SKAP1: variants seen among roughly 807,000 people sequenced by gnomAD.
The protein encoded by SKAP1 is src kinase-associated phosphoprotein 1.
SKAP1 carries 44 observed loss-of-function variants against 58.5 expected under a neutral mutation model. That is an observed-to-expected ratio of 0.75 (90% CI 0.59 to 0.97). The LOEUF is 0.97. Among genes scored for constraint, SKAP1 ranks in the 50% least tolerant of loss-of-function variants. SKAP1 has a pLI of 0.00. For synonymous variants in SKAP1, 127 were observed against 149.7 expected, an observed-to-expected ratio of 0.85 and a Z score of 1.11; for missense variants, 390 against 435.2, an observed-to-expected ratio of 0.90 and a Z score of 0.92.
At chr17:48,280,018 G>T (rs1399432962) in intron 4 of SKAP1, among the ~76,000 whole-genome samples, 1 of 152,182 alleles carries the variant, frequency 6.6e-6, no homozygotes, top group Middle Eastern at 3.4e-3. Context: ...ATTTCTCATG[G>T]AAAGAACTCA....
intron 4 of SKAP1, among the ~76,000 whole-genome samples, chr17:48,215,483 C>T (rs188699159): frequency 1.2e-4 from 18 of 152,254 alleles, no homozygotes; most frequent in African/African-American, 3.4e-4. Flanking sequence ...AAAGCAGAAC[C>T]GAAGGAACAC....
At chr17:48,430,926 C>CA (rs1056075888), upstream of SKAP1, among the ~76,000 whole-genome samples, 1 of 152,188 alleles carries the variant, frequency 6.6e-6, no homozygotes, top group African/African-American at 2.4e-5. Context: ...ATTCAAGGGA[C>CA]AGTTGGTGTC....
chr17:48,195,003 G>A (rs1023977079), intron 4 of SKAP1, among the ~76,000 whole-genome samples: 14 of 152,204 alleles, frequency 9.2e-5, no homozygotes, highest in Admixed American at 2.0e-4. Context: ...TGGCTGGTGT[G>A]TGTGCATCTG....
chr17:48,203,702 A>G (rs1428536553), intron 4 of SKAP1: 2 of 152,200 alleles, frequency 1.3e-5, no homozygotes, highest in Non-Finnish European at 2.9e-5. Flanking sequence ...GTTCCTGAAC[A>G]AAAGAGGCTG....
chr17:48,227,704 G>C (rs1209857052), intron 4 of SKAP1, among the ~76,000 whole-genome samples: 1 of 152,088 alleles, frequency 6.6e-6, no homozygotes, highest in Non-Finnish European at 1.5e-5. Context: ...TTTATTGTGG[G>C]GTCTGAAAGA....
chr17:48,169,175 A>C (rs1017535677), intron 10 of SKAP1, among the ~76,000 whole-genome samples: 1 of 152,006 alleles, frequency 6.6e-6, no homozygotes, highest in East Asian at 1.9e-4. Flanking sequence ...ATCTCCTCTC[A>C]CCTCCCAGAT....
rs565524392 is a variant in SKAP1 at position 48,294,357 on chromosome 17, T to C, written c.280+51548A>G. 9 of 152,192 alleles carry C rather than the reference T, an allele frequency of 5.9e-5. No individual in the cohort carries two copies. The East Asian group carries it at 1.7e-3, about 29-fold the overall frequency. 9.4% of individuals were successfully genotyped at this position (152,192 alleles called of 1,614,324 possible). ...TTTTTTTCTAACTAGCAATTTCGAGTGCAAGTGCCACAGTGTCAGCTAAAG... is the reference window on the plus strand; with the variant it reads ...TTTTTTTCTAACTAGCAATTTCGAGCGCAAGTGCCACAGTGTCAGCTAAAG... On this transcript the variant is annotated intron_variant, in intron 4 of 12. Transcript: ENST00000336915.
At chr17:48,145,744 C>T (rs1449340202) in intron 11 of SKAP1, among the ~76,000 whole-genome samples, 2 of 152,144 alleles carry the variant, frequency 1.3e-5, no homozygotes, top group Non-Finnish European at 2.9e-5. Flanking sequence ...TTCTCTCCTC[C>T]CTGCTGGTTC....
intron 4 of SKAP1, among the ~76,000 whole-genome samples, chr17:48,341,784 T>C (rs763859532): frequency 1.1e-4 from 17 of 152,216 alleles, no homozygotes; most frequent in Non-Finnish European, 2.1e-4. Flanking sequence ...AACATCCTGA[T>C]GCACAAAGAA....
chr17:48,207,422 G>A (rs1172400887), intron 4 of SKAP1, among the ~76,000 whole-genome samples: 2 of 149,278 alleles, frequency 1.3e-5, no homozygotes, highest in African/African-American at 4.9e-5. Context: ...GGAGGCAGAT[G>A]TTGCAGTGAG....
chr17:48,395,649 TC>T (rs1428224335), intron 2 of SKAP1, among the ~76,000 whole-genome samples: 3 of 152,158 alleles, frequency 2.0e-5, no homozygotes, highest in African/African-American at 4.8e-5. Context: ...TTCAAAAAAC[TC>T]CCATCTTTTG....
At chr17:48,214,969 A>AATAAAATAAAATAAAATAAAATAAC in intron 4 of SKAP1, among the ~76,000 whole-genome samples, 1 of 150,952 alleles carries the variant, frequency 6.6e-6, no homozygotes, top group South Asian at 2.1e-4. Flanking sequence ...AATAAAATAA[A>AATAAAATAAAATAAAATAAAATAAC]CAGATGGCAT....
intron 11 of SKAP1, among the ~76,000 whole-genome samples, chr17:48,141,350 G>A (rs1371653132): frequency 6.7e-6 from 1 of 150,204 alleles, no homozygotes; most frequent in Non-Finnish European, 1.5e-5. Context: ...CTTTCGGTGG[G>A]TTCCCAATGC....
At chr17:48,302,806 A>C (rs1393309869) in intron 4 of SKAP1, among the ~76,000 whole-genome samples, 1 of 152,228 alleles carries the variant, frequency 6.6e-6, no homozygotes, top group Admixed American at 6.5e-5. Context: ...GGGAGCACTT[A>C]CTTGGGGACA....
At chr17:48,371,651 C>T (rs939414858) in intron 2 of SKAP1, among the ~76,000 whole-genome samples, 14 of 42,644 alleles carry the variant, frequency 3.3e-4, no homozygotes, top group African/African-American at 1.4e-3. Context: ...AACCTTGTCT[C>T]CACAAAAAAA....
At chr17:48,372,138 A>C (rs2067095832) in intron 2 of SKAP1, among the ~76,000 whole-genome samples, 1 of 151,612 alleles carries the variant, frequency 6.6e-6, no homozygotes, top group African/African-American at 2.4e-5. Flanking sequence ...TACCCAGTTA[A>C]TTTTTTATCT....
chr17:48,146,828 A>G (rs1397573380), intron 11 of SKAP1, among the ~76,000 whole-genome samples: 6 of 152,026 alleles, frequency 3.9e-5, no homozygotes, highest in Non-Finnish European at 8.8e-5. Context: ...GGGTTTCACC[A>G]TGTTGGCCAG....
chr17:48,439,873 C>T, the SKAP1 span, among the ~76,000 whole-genome samples: 3 of 152,112 alleles, frequency 2.0e-5, no homozygotes, highest in African/African-American at 7.2e-5. Flanking sequence ...TGTTGGGGCC[C>T]TTTTTTACTG....
chr17:48,312,921 T>C (rs1031068361), intron 4 of SKAP1, among the ~76,000 whole-genome samples: 3 of 152,162 alleles, frequency 2.0e-5, no homozygotes, highest in African/African-American at 7.2e-5. Context: ...GTGTGATCAG[T>C]AACAAAGCAG....
Sources: gnomAD v4.1 joint callset for allele counts (sites outside exome capture counted in the v4.1 genomes callset) on GRCh38, gnomAD v4.1.1 for gene constraint, MANE v1.5 for transcripts, NCBI Gene and HGNC (gene_info 2026-07-23, HGNC 2026-07-21) for gene names.